UVRAG: variants seen among roughly 807,000 people sequenced by gnomAD.
The protein encoded by UVRAG is UV radiation resistance-associated gene protein.
A neutral mutation model predicts 78.0 loss-of-function variants in UVRAG; 19 were observed. That is an observed-to-expected ratio of 0.24 (90% CI 0.17 to 0.36). UVRAG has a LOEUF of 0.36. Ranked by LOEUF, UVRAG falls within the 10% of genes least tolerant of loss-of-function variation. The probability of loss-of-function intolerance (pLI) is 1.00; values close to 1 mark genes in which losing one functional copy is unlikely to be tolerated. For missense variants in UVRAG, 740 were observed against 853.8 expected (o/e 0.87, Z 1.66); for synonymous variants, 323 against 324.6 (o/e 1.00, Z 0.05).
At chr11:75,935,878 A>G (rs985399688) in intron 6 of UVRAG, among the ~76,000 whole-genome samples, 2 of 152,208 alleles carry the variant, frequency 1.3e-5, no homozygotes, top group African/African-American at 4.8e-5. Context: ...TCATCCATCC[A>G]TTCAAGTTTC....
Position 75,920,043 on chromosome 11 carries a change from TG to T in UVRAG, c.593+8007del, listed in dbSNP as rs780942156. Reference sequence around the variant, plus strand: ...TTTTTTTTTTTTTTTTTTTTTTTTTTGGGACGAAGTCTCGCTCTGTTGCCCA... The same window carrying T: ...TTTTTTTTTTTTTTTTTTTTTTTTTTGGACGAAGTCTCGCTCTGTTGCCCA... On this transcript the variant is annotated intron_variant, in intron 6 of 14. Coordinates refer to ENST00000356136, the MANE Select transcript of UVRAG (RefSeq NM_003369.4). 3.7e-3 allele frequency among the ~76,000 whole-genome samples: 379 copies of T among 103,050 alleles called. 4 individuals are homozygous for T. Among genetic ancestry groups the T allele is most frequent in the Non-Finnish European group, 6.1e-3 (301 of 49,302 alleles). 67.6% of individuals were successfully genotyped at this position (103,050 alleles called of 152,430 possible).
At chr11:75,985,041 G>T (rs111916067) in intron 8 of UVRAG, among the ~76,000 whole-genome samples, 1 of 152,016 alleles carries the variant, frequency 6.6e-6, no homozygotes, top group South Asian at 2.1e-4. Flanking sequence ...GAGAATGTAC[G>T]TATCTTCAGC....
chr11:76,003,169 A>G (rs1949851754), intron 8 of UVRAG, among the ~76,000 whole-genome samples: 1 of 151,794 alleles, frequency 6.6e-6, no homozygotes, highest in African/African-American at 2.4e-5. Flanking sequence ...TTGTACAGCC[A>G]TAACTCAGAC....
rs181650807 is a variant in UVRAG at position 76,049,960 on chromosome 11, G to A, written c.1227-15750G>A. Reference sequence around the variant, plus strand: ...GTTAGGAAACGCTATGTGACCATGGGCACTAAATTAATAGTGCCTGCAGGA... The same window carrying A: ...GTTAGGAAACGCTATGTGACCATGGACACTAAATTAATAGTGCCTGCAGGA... On this transcript the variant is annotated intron_variant, in intron 12 of 14. Transcript: ENST00000356136. Among the ~76,000 whole-genome samples, 62 of 152,282 alleles carry A rather than the reference G, an allele frequency of 4.1e-4. 1 individual carries two copies. Among genetic ancestry groups the A allele is most frequent in the Middle Eastern group, 3.4e-3 (1 of 294 alleles).
chr11:76,012,316 A>G (rs531922701), intron 11 of UVRAG, among the ~76,000 whole-genome samples: 2 of 151,926 alleles, frequency 1.3e-5, no homozygotes, highest in Non-Finnish European at 2.9e-5. Context: ...TCAATTTAAA[A>G]AAGGAAAAAA....
chr11:75,929,666 A>G (rs1448365719), intron 6 of UVRAG, among the ~76,000 whole-genome samples: 2 of 152,122 alleles, frequency 1.3e-5, no homozygotes, highest in African/African-American at 4.8e-5. Context: ...TCTGTGTTTA[A>G]TTATTCTGTA....
intron 6 of UVRAG, among the ~76,000 whole-genome samples, chr11:75,947,713 G>GA (rs1948611349): frequency 6.6e-6 from 1 of 152,186 alleles, no homozygotes; most frequent in South Asian, 2.1e-4. Flanking sequence ...AATAAGCAGT[G>GA]AAGACCACGG....
intron 3 of UVRAG, among the ~76,000 whole-genome samples, chr11:75,870,461 A>C (rs1212075090): frequency 6.6e-6 from 1 of 152,008 alleles, no homozygotes; most frequent in African/African-American, 2.4e-5. Context: ...ACATTCACCA[A>C]GTGTCATTTT....
chr11:76,036,031 G>A (rs141390816), intron 12 of UVRAG, among the ~76,000 whole-genome samples: 1,844 of 152,264 alleles, frequency 0.012, 19 homozygotes, highest in Non-Finnish European at 0.018. Context: ...TGTCTCAAGT[G>A]TCAATTTGTC....
chr11:75,867,299 A>G (rs1380076), intron 3 of UVRAG, among the ~76,000 whole-genome samples: 10,005 of 152,252 alleles, frequency 0.066, 456 homozygotes, highest in African/African-American at 0.13. Flanking sequence ...GCTCTTAAAA[A>G]GCCCTCTCCT....
chr11:76,016,307 T>G (rs1204067389), intron 11 of UVRAG, among the ~76,000 whole-genome samples: 1 of 152,166 alleles, frequency 6.6e-6, no homozygotes, highest in Non-Finnish European at 1.5e-5. Flanking sequence ...CCTGTCTTTT[T>G]CAATATCAAG....
At chr11:75,997,640 G>T (rs1013402195) in intron 8 of UVRAG, among the ~76,000 whole-genome samples, 21 of 152,226 alleles carry the variant, frequency 1.4e-4, no homozygotes, top group African/African-American at 4.8e-4. Flanking sequence ...ATGTCATTGG[G>T]ATAGCAAAGG....
chr11:75,849,801 C>T lies in UVRAG; in HGVS notation c.118-2082C>T, dbSNP rs559856502. Among the ~76,000 whole-genome samples the T allele has an allele frequency of 1.1e-4, 17 of 152,282 alleles. No individual in the cohort carries two copies. The South Asian group carries it at 2.7e-3, about 24-fold the overall frequency. On this transcript the variant is annotated intron_variant, in intron 1 of 14. Transcript: ENST00000356136. ...GAGCAACTAATTTTGTTACTGGTAGCGGGTCTTGACTGAAAGTTCTCCAGG... is the reference window on the plus strand; with the variant it reads ...GAGCAACTAATTTTGTTACTGGTAGTGGGTCTTGACTGAAAGTTCTCCAGG...
chr11:76,034,693 A>G (rs1165907110), intron 12 of UVRAG, among the ~76,000 whole-genome samples: 2 of 152,136 alleles, frequency 1.3e-5, no homozygotes, highest in Non-Finnish European at 2.9e-5. Flanking sequence ...GCAGTTTGCC[A>G]TATTTCCTTT....
intron 1 of UVRAG, among the ~76,000 whole-genome samples, chr11:75,846,136 A>C (rs1385666465): frequency 1.3e-5 from 2 of 152,212 alleles, no homozygotes; most frequent in Non-Finnish European, 2.9e-5. Flanking sequence ...CAAAGCATTG[A>C]TATTTATGCT....
At chr11:76,126,111 G>A (rs955743273) in intron 14 of UVRAG, among the ~76,000 whole-genome samples, 27 of 134,298 alleles carry the variant, frequency 2.0e-4, no homozygotes, top group African/African-American at 7.8e-4. Flanking sequence ...CACCTCACCC[G>A]GCTAATTTTT....
chr11:75,924,192 C>A (rs1241269951), intron 6 of UVRAG, among the ~76,000 whole-genome samples: 1 of 152,096 alleles, frequency 6.6e-6, no homozygotes, highest in Non-Finnish European at 1.5e-5. Context: ...TGGATAATAA[C>A]TGAACCAGGT....
At chr11:75,888,010 G>C (rs1193399584) in intron 4 of UVRAG, among the ~76,000 whole-genome samples, 1 of 152,190 alleles carries the variant, frequency 6.6e-6, no homozygotes, top group Non-Finnish European at 1.5e-5. Flanking sequence ...GTGGTTTGCA[G>C]ACAGTAATAA....
intron 5 of UVRAG, among the ~76,000 whole-genome samples, chr11:75,891,691 C>G (rs1356621791): frequency 6.6e-6 from 1 of 152,038 alleles, no homozygotes; most frequent in Non-Finnish European, 1.5e-5. Flanking sequence ...ATCAGCAGTT[C>G]GAGAGCTCAG....
Sources: gnomAD v4.1 joint callset for allele counts (sites outside exome capture counted in the v4.1 genomes callset) on GRCh38, gnomAD v4.1.1 for gene constraint, MANE v1.5 for transcripts, NCBI Gene and HGNC (gene_info 2026-07-23, HGNC 2026-07-21) for gene names.